The following COL14A1 variants were observed in gnomAD, a reference collection of about 807,000 sequenced individuals.
COL14A1 encodes the protein collagen alpha-1(XIV) chain.
A neutral mutation model predicts 230.3 loss-of-function variants in COL14A1; 136 were observed. The ratio of observed to expected loss-of-function variants is 0.59; its 90% CI spans 0.51 to 0.68. The LOEUF is 0.68. Among genes scored for constraint, COL14A1 ranks in the 30% least tolerant of loss-of-function variants. COL14A1 has a pLI of 0.00. For missense variants in COL14A1, 1,976 were observed against 2,215.8 expected, an observed-to-expected ratio of 0.89 and a Z score of 2.17; for synonymous variants, 792 against 784.1, an observed-to-expected ratio of 1.01 and a Z score of -0.17.
chr8:120,299,597 ACT>A (rs752773186), intron 35 of COL14A1, among the ~76,000 whole-genome samples: 19 of 152,170 alleles, frequency 1.2e-4, no homozygotes, highest in Non-Finnish European at 7.4e-5. Flanking sequence ...CAAAACTATC[ACT>A]GAGTCTCTGG....
intron 42 of COL14A1, 51 bp from the exon 43 acceptor site, chr8:120,341,274 C>G (rs750304779): frequency 6.4e-7 from 1 of 1,568,664 alleles, no homozygotes; most frequent in African/African-American, 1.4e-5. Flanking sequence ...GATTATCACT[C>G]TTAGCTAAGT....
chr8:120,132,934 C>A (rs911183409), intron 1 of COL14A1, among the ~76,000 whole-genome samples: 54 of 151,584 alleles, frequency 3.6e-4, no homozygotes, highest in Non-Finnish European at 6.0e-4. Context: ...TATAACTGTT[C>A]CGGCCGGGCG....
chr8:120,230,773 A>G (rs1015422169), intron 18 of COL14A1, among the ~76,000 whole-genome samples: 3 of 152,240 alleles, frequency 2.0e-5, no homozygotes, highest in Non-Finnish European at 4.4e-5. Context: ...GAATTAATAG[A>G]TGAATGAAGA....
At chr8:120,260,955 T>C (rs549542567) in intron 23 of COL14A1, among the ~76,000 whole-genome samples, 56 of 152,318 alleles carry the variant, frequency 3.7e-4, no homozygotes, top group African/African-American at 1.3e-3. Flanking sequence ...TTTAGAGTTC[T>C]GAATGCAGGG....
chr8:120,345,297 T>C, intron 44 of COL14A1, 78 bp from the exon 45 acceptor site: 1 of 1,346,990 alleles, frequency 7.4e-7, no homozygotes, highest in East Asian at 2.7e-5. Context: ...GTTTGCAGCC[T>C]TAACAAATGA....
rs763289899 is a variant in COL14A1, at chr8:120,206,976, A to T, written c.1073A>T (p.Glu358Val). The T allele has an allele frequency of 6.2e-7, 1 of 1,613,038 alleles. No individual in the cohort carries two copies. The highest frequency in any genetic ancestry group is 8.5e-7 in the Non-Finnish European group (1 of 1,179,712). Residue 358 changes from glutamate to valine, a missense_variant, in exon 10 of 48, where the codon GAG becomes GTG. This residue lies in a region of COL14A1 where 1,791 missense variants were observed against 2,019.5 expected (regional missense o/e 0.89). Transcript: ENST00000297848. ...CATGCCATCACTGGGCCGCCTACGG[A>T]GTTGATTACTTCTGAAGTCACTGCC... The part of the protein sequence containing the change: ...SAHAITGPPT[E>V]LITSEVTARS...
chr8:120,354,402 A>G (rs943650395), intron 45 of COL14A1, among the ~76,000 whole-genome samples: 2 of 151,366 alleles, frequency 1.3e-5, no homozygotes, highest in Admixed American at 6.6e-5. Context: ...TAAAAAAAAA[A>G]AAAAAAAGAA....
chr8:120,189,786 C>A (rs1289103342), intron 5 of COL14A1, among the ~76,000 whole-genome samples: 1 of 152,004 alleles, frequency 6.6e-6, no homozygotes, highest in Non-Finnish European at 1.5e-5. Context: ...TTTCCAATTT[C>A]ATTCATGTCC....
intron 9 of COL14A1, 27 bp from the exon 10 acceptor site, chr8:120,206,916 T>A: frequency 2.5e-6 from 4 of 1,578,284 alleles, no homozygotes; most frequent in Non-Finnish European, 3.4e-6. Context: ...GGGTAAGAGG[T>A]TTATTTGATA....
At chr8:120,298,229 G>C (rs112674872) in intron 35 of COL14A1, among the ~76,000 whole-genome samples, 1,538 of 151,884 alleles carry the variant, frequency 0.01, 8 homozygotes, top group Non-Finnish European at 0.015. Flanking sequence ...ATCTAATGTT[G>C]AAACTGCAGA....
chr8:120,183,273 A>G (rs1280787243), intron 5 of COL14A1, among the ~76,000 whole-genome samples: 1 of 152,168 alleles, frequency 6.6e-6, no homozygotes, highest in South Asian at 2.1e-4. Context: ...GGAAAGCACA[A>G]TGAACAGTTT....
intron 2 of COL14A1, among the ~76,000 whole-genome samples, chr8:120,148,498 A>G (rs1170789639): frequency 6.6e-6 from 1 of 152,122 alleles, no homozygotes; most frequent in East Asian, 1.9e-4. Context: ...TTATGTTATG[A>G]TATCAGTTAT....
intron 4 of COL14A1, among the ~76,000 whole-genome samples, chr8:120,166,223 T>C (rs1054054082): frequency 6.6e-6 from 1 of 152,134 alleles, no homozygotes; most frequent in Admixed American, 6.6e-5. Flanking sequence ...CAGGGAGCAG[T>C]TGTTTAAGGC....
intron 5 of COL14A1, among the ~76,000 whole-genome samples, chr8:120,183,139 C>T (rs1411019664): frequency 6.6e-6 from 1 of 151,980 alleles, no homozygotes; most frequent in Non-Finnish European, 1.5e-5. Context: ...GGAGAGGGTA[C>T]ATTACAGGAG....
intron 23 of COL14A1, among the ~76,000 whole-genome samples, chr8:120,257,387 A>G (rs568481132): frequency 3.8e-4 from 58 of 152,334 alleles, no homozygotes; most frequent in African/African-American, 1.3e-3. Flanking sequence ...ACTGAATATT[A>G]TTTATCAACT....
At chr8:120,268,189 C>T (rs1222939082) in intron 25 of COL14A1, among the ~76,000 whole-genome samples, 1 of 151,726 alleles carries the variant, frequency 6.6e-6, no homozygotes, top group African/African-American at 2.4e-5. Flanking sequence ...TTGTACAACT[C>T]AGGGCTCCCC....
rs556574225 is a variant in COL14A1 at position 120,212,585 on chromosome 8, G to C, written c.1597+8G>C. 6.2e-7 allele frequency: 1 copy of C among 1,612,934 alleles called. No individual in the cohort carries two copies. The highest frequency in any genetic ancestry group is 1.7e-5 in the Admixed American group (1 of 59,962). On this transcript the variant is annotated splice_region_variant and intron_variant, in intron 13 of 47. Transcript: ENST00000297848. The stretch of plus-strand genomic sequence containing the variant: ...CGGGACAAGAAACAACATGTGAGCA[G>C]CACAGCCATTCAGTTGGGATGCTGT...
chr8:120,366,479 A>G (rs577825715), intron 45 of COL14A1, among the ~76,000 whole-genome samples: 3 of 152,358 alleles, frequency 2.0e-5, no homozygotes, highest in South Asian at 2.1e-4. Flanking sequence ...GGGCCTCAAT[A>G]TAGGCGCTCT....
chr8:120,199,682 T>A (rs1817164869), intron 8 of COL14A1, 116 bp downstream of exon 8: 1 of 1,048,478 alleles, frequency 9.5e-7, no homozygotes, highest in Admixed American at 3.0e-5. Flanking sequence ...CACTTTCTAG[T>A]CTTGGCACTT....
Sources: allele counts gnomAD v4.1 joint callset (sites outside exome capture counted in the v4.1 genomes callset), GRCh38; gene constraint gnomAD v4.1.1; regional missense constraint gnomAD v4.1.1; transcripts MANE v1.5; gene names NCBI Gene and HGNC (gene_info 2026-07-23, HGNC 2026-07-21).